STAT5B: variants seen among roughly 807,000 people sequenced by gnomAD.
The protein encoded by STAT5B is signal transducer and activator of transcription 5B, also known as transcription factor STAT5B.
A neutral mutation model predicts 107.8 loss-of-function variants in STAT5B; 21 were observed. The ratio of observed to expected loss-of-function variants is 0.19; its 90% CI spans 0.14 to 0.28. The LOEUF (loss-of-function observed/expected upper bound fraction) is 0.28. Ranked by LOEUF, STAT5B falls within the 10% of genes least tolerant of loss-of-function variation. The pLI, the probability that STAT5B is intolerant of heterozygous loss-of-function variation, is 1.00. For missense variants in STAT5B, 565 were observed against 1,008.2 expected, an observed-to-expected ratio of 0.56 and a Z score of 5.95; for synonymous variants, 325 against 401.7, an observed-to-expected ratio of 0.81 and a Z score of 2.28.
chr17:42,238,976 G>A (rs2080380203), intron 1 of STAT5B, among the ~76,000 whole-genome samples: 3 of 151,322 alleles, frequency 2.0e-5, no homozygotes, highest in South Asian at 4.2e-4. Flanking sequence ...GAGGCCGGGT[G>A]CGGTGGCTCA....
chr17:42,247,416 C>A (rs932779831), intron 1 of STAT5B, among the ~76,000 whole-genome samples: 2 of 152,110 alleles, frequency 1.3e-5, no homozygotes, highest in Non-Finnish European at 2.9e-5. Flanking sequence ...TTTCAAATAA[C>A]AAAATAAAAA....
upstream of STAT5B, among the ~76,000 whole-genome samples, chr17:42,279,563 G>C (rs1291303206): frequency 6.6e-6 from 1 of 152,126 alleles, no homozygotes; most frequent in Admixed American, 6.5e-5. Flanking sequence ...CGAGGCGGGT[G>C]GATCACCCGA....
In STAT5B at chr17:42,218,317, C is replaced by T; in HGVS notation, c.1003G>A (p.Glu335Lys). Residue 335 changes from glutamate (E) to lysine (K), a missense_variant, in exon 9 of 19, where the codon GAG (glutamate) becomes AAG (lysine). Coordinates refer to ENST00000293328, the MANE Select transcript of STAT5B (RefSeq NM_012448.4). ...SALVTSTFII[E>K]KQPPQVLKTQ... The stretch of plus-strand genomic sequence containing the variant: ...TTCAGGACCTGAGGAGGCTGCTTCT[C>T]AATGATGAACGTGCTGCAGGGGACA... 6.2e-7 allele frequency: 1 copy of T among 1,613,220 alleles called. No homozygotes were observed. Among genetic ancestry groups the T allele is most frequent in the Non-Finnish European group, 8.5e-7 (1 of 1,179,724 alleles).
chr17:42,229,164 CTT>C (rs887722600), intron 2 of STAT5B, among the ~76,000 whole-genome samples: 1 of 152,084 alleles, frequency 6.6e-6, no homozygotes, highest in African/African-American at 2.4e-5. Context: ...CACTCTTTTT[CTT>C]TGAGACGAAG....
chr17:42,220,407 G>A (rs1047689098), intron 5 of STAT5B, among the ~76,000 whole-genome samples: 1 of 152,216 alleles, frequency 6.6e-6, no homozygotes, highest in Non-Finnish European at 1.5e-5. Context: ...ACAGGACAGA[G>A]AGAAGAGGTG....
chr17:42,242,946 C>T (rs2080416984), intron 1 of STAT5B, among the ~76,000 whole-genome samples: 1 of 151,694 alleles, frequency 6.6e-6, no homozygotes, highest in Non-Finnish European at 1.5e-5. Context: ...TAAGAGTCAT[C>T]ACCACTCCCT....
Position 42,200,814 on chromosome 17 carries a change from T to C in STAT5B, c.*924A>G. The C allele has an allele frequency of 2.7e-6, 1 of 364,680 alleles. No individual in the cohort carries two copies. Among genetic ancestry groups the C allele is most frequent in the Non-Finnish European group, 4.9e-6 (1 of 204,836 alleles). The allele number at this position is 364,680 out of a possible 1,614,324, so 22.6% of individuals were successfully genotyped here. ...CCTGAAGAAGGCCACGGACTGTGCA[T>C]CCGCTGGCTCAGAGAAAGGCTGGGC... On this transcript the variant is annotated 3_prime_UTR_variant, in exon 19 of 19. Coordinates refer to ENST00000293328, the MANE Select transcript of STAT5B (RefSeq NM_012448.4).
intron 1 of STAT5B, among the ~76,000 whole-genome samples, chr17:42,239,085 T>C (rs1435357312): frequency 6.6e-6 from 1 of 151,400 alleles, no homozygotes; most frequent in African/African-American, 2.4e-5. Context: ...CCATCTCTAC[T>C]AAAAATACAA....
chr17:42,220,799 T>A (rs1053658354), intron 5 of STAT5B, among the ~76,000 whole-genome samples: 1 of 152,114 alleles, frequency 6.6e-6, no homozygotes, highest in East Asian at 1.9e-4. Flanking sequence ...TAAAAATTAT[T>A]ATGAAATAGG....
upstream of STAT5B, chr17:42,276,511 T>A (rs1449829961): frequency 6.6e-6 from 1 of 150,412 alleles, no homozygotes; most frequent in Non-Finnish European, 1.5e-5. This position sits in a 1 kb window ranked among gnomAD's most constrained non-coding sequence, Gnocchi z 4.8. Context: ...CGGCGCGCGC[T>A]CGCTAGCCCG....
intron 1 of STAT5B, among the ~76,000 whole-genome samples, chr17:42,259,465 C>A (rs1718203436): frequency 6.6e-6 from 1 of 152,012 alleles, no homozygotes; most frequent in Non-Finnish European, 1.5e-5. Flanking sequence ...TGGTAGGAAG[C>A]TTTAAGGGCA....
intron 3 of STAT5B, among the ~76,000 whole-genome samples, 187 bp from the exon 4 acceptor site, chr17:42,225,055 C>T (rs1432925590): frequency 6.6e-6 from 1 of 151,964 alleles, no homozygotes; most frequent in Non-Finnish European, 1.5e-5. Flanking sequence ...GATTGTTTTA[C>T]TTCTTTTTTC....
intron 16 of STAT5B, among the ~76,000 whole-genome samples, chr17:42,207,190 C>T (rs78079657): frequency 0.012 from 1,806 of 152,142 alleles, 28 homozygotes; most frequent in African/African-American, 0.042. Context: ...TTTTTTATGC[C>T]TTTATGTGTC....
intron 15 of STAT5B, 28 bp from the exon 16 acceptor site, chr17:42,207,756 T>A (rs1214870743): frequency 5.0e-6 from 8 of 1,612,928 alleles, no homozygotes; most frequent in Non-Finnish European, 5.1e-6. Flanking sequence ...ACAATCACAT[T>A]CTAAACATGA....
chr17:42,207,553 G>T lies in STAT5B; in HGVS notation c.2077+5C>A. 6.2e-7 allele frequency: 1 copy of T among 1,612,646 alleles called. No individual in the cohort carries two copies. The highest frequency in any genetic ancestry group is 8.5e-7 in the Non-Finnish European group (1 of 1,179,476). On this transcript the variant is annotated splice_donor_5th_base_variant and intron_variant, in intron 16 of 18. Transcript: ENST00000293328. The stretch of plus-strand genomic sequence containing the variant: ...AAAATCAAATCAGAATGCGAACATT[G>T]TTACCAGTAGCAGACTCGCAGGGAA...
intron 1 of STAT5B, among the ~76,000 whole-genome samples, chr17:42,262,102 A>C (rs1001420624): frequency 6.6e-6 from 1 of 152,156 alleles, no homozygotes; most frequent in Non-Finnish European, 1.5e-5. Flanking sequence ...AATTCTCTTA[A>C]AGTATCAACT....
At chr17:42,240,982 AG>A (rs944684110) in intron 1 of STAT5B, among the ~76,000 whole-genome samples, 14 of 152,234 alleles carry the variant, frequency 9.2e-5, no homozygotes, top group African/African-American at 3.1e-4. Context: ...GCAAGGAGCC[AG>A]GGTTCAAAAC....
chr17:42,251,605 C>T (rs1943902319), intron 1 of STAT5B, among the ~76,000 whole-genome samples: 1 of 151,912 alleles, frequency 6.6e-6, no homozygotes, highest in Non-Finnish European at 1.5e-5. Flanking sequence ...TCACATGATA[C>T]CTATAACTAA....
chr17:42,242,665 G>A (rs549824522), intron 1 of STAT5B, among the ~76,000 whole-genome samples: 56 of 145,350 alleles, frequency 3.9e-4, no homozygotes, highest in Non-Finnish European at 7.5e-4. Flanking sequence ...AACCAAGAGC[G>A]TAATTCAAAA....
Sources: gnomAD v4.1 joint callset for allele counts (sites outside exome capture counted in the v4.1 genomes callset) on GRCh38, gnomAD v4.1.1 for gene constraint, Gnocchi (gnomAD v3.1) non-coding constraint, MANE v1.5 for transcripts, NCBI Gene and HGNC (gene_info 2026-07-23, HGNC 2026-07-21) for gene names.